ASMT: variants seen among roughly 807,000 people sequenced by gnomAD.
ASMT encodes acetylserotonin N-methyltransferase.
Under a neutral mutation model 41.3 loss-of-function variants are expected in ASMT, and 53 were observed. That is an observed-to-expected ratio of 1.28 (90% CI 1.03 to 1.61). The LOEUF is 1.61. ASMT is among the 40% of genes most tolerant of loss of function. ASMT has a pLI of 0.00. For synonymous variants in ASMT, 231 were observed against 184.8 expected, an observed-to-expected ratio of 1.25 and a Z score of -2.03; for missense variants, 531 against 441.3, an observed-to-expected ratio of 1.20 and a Z score of -1.82.
rs757973087 is a variant in ASMT, at chrX:1,616,630, G to A, written c.69+1362G>A. Among the ~76,000 whole-genome samples, 9 of 151,504 alleles carry A rather than the reference G, an allele frequency of 5.9e-5. No individual in the cohort carries two copies. The South Asian group carries it at 1.5e-3, about 24-fold the overall frequency. Reference sequence around the variant, plus strand: ...GACACCTGTCATCCCAACGGTTTGGGGGTCCGAAACGAGGGAATCGCTTTA... The same window carrying A: ...GACACCTGTCATCCCAACGGTTTGGAGGTCCGAAACGAGGGAATCGCTTTA... On this transcript the variant is annotated intron_variant, in intron 1 of 8. Transcript: ENST00000381241.
At chrX:1,616,075 C>G (rs182231660) in intron 1 of ASMT, among the ~76,000 whole-genome samples, 1 of 151,744 alleles carries the variant, frequency 6.6e-6, no homozygotes, top group African/African-American at 2.4e-5. Flanking sequence ...GTAACCCAGG[C>G]TGGAGTGCAG....
At chrX:1,635,643 C>A (rs182453959) in intron 7 of ASMT, among the ~76,000 whole-genome samples, 3 of 151,970 alleles carry the variant, frequency 2.0e-5, no homozygotes, top group African/African-American at 7.2e-5. Flanking sequence ...GGGCGGATCA[C>A]CTCAGGTTGG....
chrX:1,617,694 C>T (rs1206353744), intron 1 of ASMT, among the ~76,000 whole-genome samples: 2 of 151,576 alleles, frequency 1.3e-5, no homozygotes, highest in Non-Finnish European at 2.9e-5. Flanking sequence ...CGGCTCACTG[C>T]AACCTCTGCC....
chrX:1,635,225 C>T (rs1411478076), intron 7 of ASMT, among the ~76,000 whole-genome samples: 1 of 149,220 alleles, frequency 6.7e-6, no homozygotes, highest in Non-Finnish European at 1.5e-5. Context: ...ATCTCGTGAT[C>T]TGCCCCGCTC....
chrX:1,630,088 G>C, intron 5 of ASMT, 149 bp downstream of exon 5: 1 of 796,278 alleles, frequency 1.3e-6, no homozygotes, highest in Non-Finnish European at 2.3e-6. Context: ...CCAGCACTGG[G>C]CACTTCCTAG....
At chrX:1,627,189 G>A (rs1410750553) in intron 3 of ASMT, among the ~76,000 whole-genome samples, 8 of 150,714 alleles carry the variant, frequency 5.3e-5, no homozygotes, top group African/African-American at 1.5e-4. Flanking sequence ...AGCCAGGCAC[G>A]GTGGCAGGTG....
At chrX:1,636,245 C>G in intron 7 of ASMT, 193 bp from the exon 8 acceptor site, 1 of 821,830 alleles carries the variant, frequency 1.2e-6, no homozygotes, top group South Asian at 1.4e-5. Flanking sequence ...GCGTGAGCCA[C>G]CGCGCCCGAC....
At chrX:1,642,164 GAC>G (rs1569388716) in intron 8 of ASMT, among the ~76,000 whole-genome samples, 3 of 144,370 alleles carry the variant, frequency 2.1e-5, no homozygotes, top group Non-Finnish European at 1.5e-5. Context: ...GGTCCATGAG[GAC>G]ATGGGCACAG....
intron 1 of ASMT, among the ~76,000 whole-genome samples, chrX:1,616,894 G>C (rs1453448871): frequency 4.6e-5 from 7 of 151,512 alleles, no homozygotes; most frequent in Non-Finnish European, 8.8e-5. Context: ...ATTTTTAGTA[G>C]AGACGGGGTT....
chrX:1,627,752 C>A lies in ASMT; in HGVS notation c.424C>A (p.Leu142Ile). The A allele has an allele frequency of 2.5e-6, 4 of 1,613,928 alleles. No individual in the cohort carries two copies. The highest frequency in any genetic ancestry group is 1.1e-5 in the South Asian group (1 of 91,074). ...LETFGVPAEE[L>I]FTAIYRSEGE... is the part of the protein sequence containing the mutation. ...GACGTTTGGCGTTCCCGCTGAAGAGCTTTTTACGGCCATCTACAGGTAACA... is the reference window on the plus strand; with the variant it reads ...GACGTTTGGCGTTCCCGCTGAAGAGATTTTTACGGCCATCTACAGGTAACA... The change falls in exon 4 of 9, where the codon CTT becomes ATT. Residue 142 changes from leucine (L) to isoleucine (I), a missense_variant. Leu to Ile is a conservative substitution (Grantham distance 5, BLOSUM62 2). Transcript: ENST00000381241.
rs556760989 is a variant in ASMT at position 1,628,258 on chromosome X, T to C, written c.443+487T>C. ...ACTGCTTGAACCCGGGAGGCGGAGG[T>C]TGCGGTGATCTGAGATCGCACCACT... On this transcript the variant is annotated intron_variant, in intron 4 of 8. Transcript: ENST00000381241. 5.3e-5 allele frequency among the ~76,000 whole-genome samples: 8 copies of C among 152,078 alleles called. 2 individuals carry two copies. The highest frequency in any genetic ancestry group is 1.9e-4 in the African/African-American group (8 of 41,494).
chrX:1,636,726 T>C, intron 8 of ASMT, 166 bp downstream of exon 8: 1 of 486,356 alleles, frequency 2.1e-6, no homozygotes, highest in Non-Finnish European at 2.7e-6. Context: ...AGGGTCCTAA[T>C]TTCTATTCTA....
chrX:1,615,767 A>C (rs868049498), intron 1 of ASMT, among the ~76,000 whole-genome samples: 9 of 151,786 alleles, frequency 5.9e-5, no homozygotes, highest in Non-Finnish European at 1.3e-4. Flanking sequence ...GCACCACTGC[A>C]CTCCCGCCTG....
In ASMT at chrX:1,623,246, G is replaced by T; in HGVS notation, c.177G>T (p.Gly59=). 6.2e-7 allele frequency: 1 copy of T among 1,613,898 alleles called. No individual in the cohort carries two copies. The highest frequency in any genetic ancestry group is 8.5e-7 in the Non-Finnish European group (1 of 1,179,882). ...VAAGVRASAH[G]TELLLDICVS... ...CAGGTGTGAGGGCCAGCGCCCATGG[G>T]ACAGAGCTCCTGCTGGACATCTGTG... is the stretch of plus-strand genomic sequence containing the variant. The change falls in exon 2 of 9, where the codon GGG becomes GGT. Residue 59 remains glycine (G), a synonymous_variant. Transcript: ENST00000381241.
intron 4 of ASMT, 152 bp downstream of exon 4, chrX:1,627,923 C>A: frequency 2.6e-6 from 2 of 781,350 alleles, no homozygotes; most frequent in Non-Finnish European, 4.5e-6. Context: ...CACTACTACC[C>A]CAGATTTTGC....
intron 1 of ASMT, among the ~76,000 whole-genome samples, chrX:1,620,940 C>G (rs1934316374): frequency 6.8e-6 from 1 of 146,744 alleles, no homozygotes; most frequent in Non-Finnish European, 1.5e-5. Context: ...AAAAAAAATA[C>G]AAAAATTTAG....
chrX:1,615,317 A>C (rs374423530), intron 1 of ASMT, 49 bp downstream of exon 1: 1 of 1,486,308 alleles, frequency 6.7e-7, no homozygotes, highest in Non-Finnish European at 9.2e-7. Context: ...CGTTCATCAC[A>C]CTCACGTTCC....
Position 1,637,466 on chromosome X carries a change from T to C in ASMT, c.910+906T>C, listed in dbSNP as rs751064791. On this transcript the variant is annotated intron_variant, in intron 8 of 8. Coordinates refer to ENST00000381241, the MANE Select transcript of ASMT (RefSeq NM_001171038.2). ...CACCCATCCTGATGGCACATGAGGATGTGGGCACAGCCTCTGTGTGTGAGA... is the reference window on the plus strand; with the variant it reads ...CACCCATCCTGATGGCACATGAGGACGTGGGCACAGCCTCTGTGTGTGAGA... Among the ~76,000 whole-genome samples the C allele has an allele frequency of 6.2e-4, 4 of 6,442 alleles. 1 individual carries two copies. The highest frequency in any genetic ancestry group is 1.4e-3 in the African/African-American group (2 of 1,432). 4.2% of individuals were successfully genotyped at this position (6,442 alleles called of 152,430 possible).
intron 1 of ASMT, 146 bp from the exon 2 acceptor site, chrX:1,622,993 T>C: frequency 3.0e-6 from 2 of 675,826 alleles, no homozygotes; most frequent in Non-Finnish European, 5.0e-6. Context: ...CATTTGACTC[T>C]GTCTCAAAAA....
Sources: allele counts gnomAD v4.1 joint callset (sites outside exome capture counted in the v4.1 genomes callset), GRCh38; gene constraint gnomAD v4.1.1; transcripts MANE v1.5; gene names NCBI Gene and HGNC (gene_info 2026-07-23, HGNC 2026-07-21).